CNTN4: variants seen among roughly 807,000 people sequenced by gnomAD.
CNTN4 encodes the protein contactin 4.
CNTN4 carries 77 observed loss-of-function variants against 122.5 expected under a neutral mutation model. The observed-to-expected ratio is 0.63, with a 90% CI of 0.52 to 0.76. The LOEUF (loss-of-function observed/expected upper bound fraction) is 0.76. Among genes scored for constraint, CNTN4 ranks in the 30% least tolerant of loss-of-function variants. CNTN4 has a pLI of 0.00. For missense variants in CNTN4, 1,256 were observed against 1,259.1 expected (o/e 1.00, Z 0.04); for synonymous variants, 512 against 447.0 (o/e 1.15, Z -1.83).
chr3:2,568,259 C>T (rs938037930), intron 3 of CNTN4, among the ~76,000 whole-genome samples: 2 of 132,318 alleles, frequency 1.5e-5, no homozygotes, highest in Non-Finnish European at 3.1e-5. Context: ...TTCAGTGTCA[C>T]TGTTAGTATG....
In CNTN4 at chr3:3,038,967, C is replaced by T. The variant is rs568318866; in HGVS notation, c.2127C>T (p.Gly709=). Residue 709 remains glycine, a synonymous_variant, in exon 19 of 25, where the codon GGC becomes GGT. Transcript: ENST00000418658. The stretch of plus-strand genomic sequence containing the variant: ...TCACACCAGCGAATGTCAGTGGTGG[C>T]GGAGGCAGCAAATCTGAACTGGTTA... ...PEVTPANVSG[G]GGSKSELVIT... 480 of 1,613,974 alleles carry T rather than the reference C, an allele frequency of 3.0e-4. 4 individuals carry two copies. In the South Asian group the frequency reaches 4.5e-3, roughly 15 times the overall value.
intron 14 of CNTN4, among the ~76,000 whole-genome samples, chr3:3,008,590 C>T (rs1696875877): frequency 6.6e-6 from 1 of 152,106 alleles, no homozygotes; most frequent in Non-Finnish European, 1.5e-5. Context: ...ATAGATTCTG[C>T]CTTTGCAAAA....
intron 6 of CNTN4, among the ~76,000 whole-genome samples, chr3:2,789,934 T>C (rs2091957268): frequency 6.6e-6 from 1 of 152,206 alleles, no homozygotes; most frequent in Non-Finnish European, 1.5e-5. Context: ...TGTTTAGCCA[T>C]TTAGTAGAGT....
Position 2,422,837 on chromosome 3 carries a change from C to T in CNTN4, c.-89+83604C>T, listed in dbSNP as rs149329572. 2.0e-4 allele frequency among the ~76,000 whole-genome samples: 31 copies of T among 152,206 alleles called. 1 individual carries two copies. In the East Asian group the frequency reaches 6.0e-3, roughly 29 times the overall value. Reference sequence around the variant, plus strand: ...TTTATCACATGTAGACATGGAGGGACCATCAGGTAATGAGATATAACATTT... The same window carrying T: ...TTTATCACATGTAGACATGGAGGGATCATCAGGTAATGAGATATAACATTT... On this transcript the variant is annotated intron_variant, in intron 3 of 24. Transcript: ENST00000418658.
At chr3:2,326,118 A>C (rs1575379384) in intron 2 of CNTN4, among the ~76,000 whole-genome samples, 1 of 152,214 alleles carries the variant, frequency 6.6e-6, no homozygotes, top group African/African-American at 2.4e-5. Context: ...TAGTAGATGG[A>C]ATAAAGCAGG....
At chr3:2,430,692 T>G (rs2048037046) in intron 3 of CNTN4, among the ~76,000 whole-genome samples, 1 of 152,050 alleles carries the variant, frequency 6.6e-6, no homozygotes, top group African/African-American at 2.4e-5. Context: ...TAGCAATGAT[T>G]TACTTATAAC....
At chr3:3,045,095 C>G (rs935974721) in intron 23 of CNTN4, among the ~76,000 whole-genome samples, 2 of 152,166 alleles carry the variant, frequency 1.3e-5, no homozygotes, top group Non-Finnish European at 2.9e-5. Context: ...GGGGAGGGGG[C>G]GCCTGCCATT....
chr3:2,354,138 C>A (rs2044766828), intron 3 of CNTN4, among the ~76,000 whole-genome samples: 1 of 152,222 alleles, frequency 6.6e-6, no homozygotes, highest in African/African-American at 2.4e-5. Context: ...CCCAATATCT[C>A]AGTGTAAATC....
At chr3:2,787,291 A>G (rs7620584) in intron 6 of CNTN4, among the ~76,000 whole-genome samples, 88,082 of 151,550 alleles carry the variant, frequency 0.58, 25,493 homozygotes, top group East Asian at 0.63. Flanking sequence ...CAGGAGAATC[A>G]CTTGAGTCCA....
At chr3:2,788,443 C>T (rs1052492936) in intron 6 of CNTN4, among the ~76,000 whole-genome samples, 3 of 152,160 alleles carry the variant, frequency 2.0e-5, no homozygotes, top group African/African-American at 7.2e-5. Flanking sequence ...ATTGATCTCT[C>T]ATATGACACA....
chr3:2,454,059 T>C lies in CNTN4; in HGVS notation c.-89+114826T>C, dbSNP rs571115567. 5.8e-4 allele frequency among the ~76,000 whole-genome samples: 82 copies of C among 142,440 alleles called. 2 individuals carry two copies. The East Asian group carries it at 8.9e-3, about 15-fold the overall frequency. 93.4% of individuals were successfully genotyped at this position (142,440 alleles called of 152,430 possible). On this transcript the variant is annotated intron_variant, in intron 3 of 24. Coordinates refer to ENST00000418658, the MANE Select transcript of CNTN4 (RefSeq NM_175607.3). ...AGGGTAGATATAATCAGCCCCATATTATAAGCAAAGAACCTGAGGCTCGAA... is the reference window on the plus strand; with the variant it reads ...AGGGTAGATATAATCAGCCCCATATCATAAGCAAAGAACCTGAGGCTCGAA...
At chr3:2,767,443 A>G (rs895727577) in intron 6 of CNTN4, among the ~76,000 whole-genome samples, 2 of 152,242 alleles carry the variant, frequency 1.3e-5, no homozygotes, top group African/African-American at 2.4e-5. Context: ...TGTTTGCTTC[A>G]GCTAATCAGG....
chr3:2,653,793 A>C (rs1039604288), intron 4 of CNTN4, among the ~76,000 whole-genome samples: 3 of 152,204 alleles, frequency 2.0e-5, no homozygotes, highest in Non-Finnish European at 4.4e-5. Flanking sequence ...AATGGACACT[A>C]AATGAATGAA....
At chr3:3,011,098 C>T (rs1697182249) in intron 14 of CNTN4, among the ~76,000 whole-genome samples, 1 of 152,130 alleles carries the variant, frequency 6.6e-6, no homozygotes, top group South Asian at 2.1e-4. Flanking sequence ...CCAGAAGCAA[C>T]CCTTAGTCCT....
chr3:2,619,913 T>G (rs1483069893), intron 4 of CNTN4, among the ~76,000 whole-genome samples: 2 of 152,216 alleles, frequency 1.3e-5, no homozygotes, highest in Non-Finnish European at 2.9e-5. Context: ...CTTTTCAGTT[T>G]TGGAATCAGT....
At chr3:2,932,826 T>C (rs1311413794) in intron 13 of CNTN4, among the ~76,000 whole-genome samples, 1 of 143,856 alleles carries the variant, frequency 7.0e-6, no homozygotes, top group Non-Finnish European at 1.5e-5. Context: ...ATTTATTTAT[T>C]TATTTATTTA....
intron 2 of CNTN4, among the ~76,000 whole-genome samples, chr3:2,107,050 C>T (rs1044154527): frequency 1.4e-4 from 22 of 152,180 alleles, no homozygotes; most frequent in African/African-American, 5.3e-4. Context: ...CAAAACCATT[C>T]AACAAGTCTC....
intron 4 of CNTN4, among the ~76,000 whole-genome samples, chr3:2,669,515 A>C (rs1168243625): frequency 6.6e-6 from 1 of 151,788 alleles, no homozygotes; most frequent in Non-Finnish European, 1.5e-5. Context: ...GCAGTCTATC[A>C]ATTTTGTTGA....
At chr3:2,798,366 A>ATCTATCTATCTATCTGTCTATCT (rs57013365) in intron 6 of CNTN4, among the ~76,000 whole-genome samples, 2 of 135,374 alleles carry the variant, frequency 1.5e-5, no homozygotes, top group East Asian at 4.1e-4. Flanking sequence ...TACACACATA[A>ATCTATCTATCTATCTGTCTATCT]ATCTATCTAT....
Sources: gnomAD v4.1 joint callset for allele counts (sites outside exome capture counted in the v4.1 genomes callset) on GRCh38, gnomAD v4.1.1 for gene constraint, MANE v1.5 for transcripts, NCBI Gene and HGNC (gene_info 2026-07-23, HGNC 2026-07-21) for gene names.